STARD13: variants seen among roughly 807,000 people sequenced by gnomAD.
The protein encoded by STARD13 is stAR-related lipid transfer protein 13.
STARD13 carries 62 observed loss-of-function variants against 106.4 expected under a neutral mutation model. That is an observed-to-expected ratio of 0.58 (90% CI 0.48 to 0.72). The LOEUF (loss-of-function observed/expected upper bound fraction) is 0.72, where lower values mean the gene tolerates loss of function less well. STARD13 is among the 30% of genes least tolerant of loss of function. The pLI, the probability that STARD13 is intolerant of heterozygous loss-of-function variation, is 0.00. For synonymous variants in STARD13, 565 were observed against 553.0 expected (o/e 1.02, Z -0.31); for missense variants, 1,387 against 1,424.0 (o/e 0.97, Z 0.42).
the STARD13 span, among the ~76,000 whole-genome samples, chr13:33,476,081 T>C: frequency 6.6e-6 from 1 of 152,204 alleles, no homozygotes; most frequent in African/African-American, 2.4e-5. Flanking sequence ...TTCCTTTAGG[T>C]AATGAGAAAA....
chr13:33,143,699 G>A (rs1209809553), intron 3 of STARD13, among the ~76,000 whole-genome samples: 2 of 152,090 alleles, frequency 1.3e-5, no homozygotes, highest in African/African-American at 4.8e-5. Flanking sequence ...GACTACAGGT[G>A]CACACCACCA....
chr13:33,167,989 T>G (rs1385644773), intron 1 of STARD13, among the ~76,000 whole-genome samples: 1 of 140,458 alleles, frequency 7.1e-6, no homozygotes, highest in East Asian at 2.2e-4. Context: ...TCTTTTTTTT[T>G]TTAATGGAAT....
chr13:33,493,577 G>A, the STARD13 span, among the ~76,000 whole-genome samples: 3 of 152,134 alleles, frequency 2.0e-5, no homozygotes, highest in African/African-American at 7.2e-5. Context: ...AAAGAAAGAT[G>A]TTAATAAGAG....
intron 1 of STARD13, among the ~76,000 whole-genome samples, chr13:33,250,526 G>A (rs913446750): frequency 1.3e-5 from 2 of 152,168 alleles, no homozygotes; most frequent in African/African-American, 4.8e-5. Context: ...ACCCATGCTG[G>A]TACAGACACA....
the STARD13 span, among the ~76,000 whole-genome samples, chr13:33,594,705 C>T: frequency 2.2e-3 from 339 of 152,290 alleles, 3 homozygotes; most frequent in African/African-American, 7.4e-3. Flanking sequence ...TGGCAACCAG[C>T]AATCTACTTT....
chr13:33,381,889 A>G, the STARD13 span, among the ~76,000 whole-genome samples: 1 of 152,204 alleles, frequency 6.6e-6, no homozygotes, highest in Non-Finnish European at 1.5e-5. Flanking sequence ...GTTTTGCATA[A>G]TGATACATCA....
rs1272331749 is a variant in STARD13, at chr13:33,130,030, C to T, written c.647G>A (p.Cys216Tyr). ...ATCCAGCATGACCGGGTTGTCTGTACAGCACTGGCCCGGCTGGCTGCGACT... is the reference window on the plus strand; with the variant it reads ...ATCCAGCATGACCGGGTTGTCTGTATAGCACTGGCCCGGCTGGCTGCGACT... ...SDSRSQPGQCCTDNPVMLDAP... is the reference protein window; with the variant it reads ...SDSRSQPGQCYTDNPVMLDAP... Residue 216 changes from cysteine (C) to tyrosine (Y), a missense_variant, in exon 5 of 14, where the codon TGT becomes TAT. By Grantham distance (194) the Cys-to-Tyr change is radical (BLOSUM62 -2). Transcript: ENST00000336934. This position sits in a 1 kb window ranked among gnomAD's most constrained non-coding sequence, Gnocchi z 4.1. 2 of 1,613,496 alleles carry T rather than the reference C, an allele frequency of 1.2e-6. No individual in the cohort carries two copies. The highest frequency in any genetic ancestry group is 1.7e-6 in the Non-Finnish European group (2 of 1,179,862).
chr13:33,407,800 A>C, the STARD13 span, among the ~76,000 whole-genome samples: 1 of 152,248 alleles, frequency 6.6e-6, no homozygotes, highest in Non-Finnish European at 1.5e-5. Flanking sequence ...CTTGCAAAGC[A>C]AACTCAGGGA....
the STARD13 span, among the ~76,000 whole-genome samples, chr13:33,578,401 A>G: frequency 1.3e-5 from 2 of 152,272 alleles, no homozygotes; most frequent in East Asian, 1.9e-4. Flanking sequence ...TAGGGAAAGG[A>G]CATCCTATTC....
At chr13:33,132,486 C>T (rs1231837502) in intron 4 of STARD13, among the ~76,000 whole-genome samples, 2 of 152,224 alleles carry the variant, frequency 1.3e-5, no homozygotes, top group Non-Finnish European at 1.5e-5. Context: ...GGCCTGCTTA[C>T]ATGAAACTGT....
intron 1 of STARD13, among the ~76,000 whole-genome samples, chr13:33,202,013 T>C (rs1388522180): frequency 1.3e-5 from 2 of 152,220 alleles, no homozygotes; most frequent in Non-Finnish European, 2.9e-5. Flanking sequence ...GAAAGCTTTG[T>C]CTACATTTTT....
the STARD13 span, among the ~76,000 whole-genome samples, chr13:33,471,531 A>C: frequency 6.6e-6 from 1 of 152,132 alleles, no homozygotes. Context: ...ACTCCCTCAG[A>C]GGGCTATTTC....
chr13:33,440,270 C>CG, the STARD13 span, among the ~76,000 whole-genome samples: 6 of 63,572 alleles, frequency 9.4e-5, no homozygotes, highest in African/African-American at 3.1e-4. Flanking sequence ...CAGAACGAGG[C>CG]AAAAAAAAAA....
At chr13:33,340,520 T>C (rs1871716714) in intron 1 of STARD13, among the ~76,000 whole-genome samples, 1 of 152,224 alleles carries the variant, frequency 6.6e-6, no homozygotes. Context: ...TTTAATATCA[T>C]TGCAAGCAAA....
At chr13:33,163,720 T>A (rs1172001122) in intron 3 of STARD13, among the ~76,000 whole-genome samples, 1 of 97,586 alleles carries the variant, frequency 1.0e-5, no homozygotes, top group African/African-American at 3.1e-5. Context: ...AACATATATA[T>A]AACATATATA....
the STARD13 span, among the ~76,000 whole-genome samples, chr13:33,642,139 C>G: frequency 2.6e-5 from 4 of 152,104 alleles, no homozygotes; most frequent in Non-Finnish European, 5.9e-5. Flanking sequence ...GGATGAATGA[C>G]TAAATTAATG....
chr13:33,440,649 C>A, the STARD13 span, among the ~76,000 whole-genome samples: 1 of 151,546 alleles, frequency 6.6e-6, no homozygotes, highest in Non-Finnish European at 1.5e-5. Context: ...CCCTTCTTCC[C>A]TTCTCACTTT....
At chr13:33,396,125 C>T in the STARD13 span, among the ~76,000 whole-genome samples, 81 of 152,248 alleles carry the variant, frequency 5.3e-4, no homozygotes, top group African/African-American at 1.7e-3. Flanking sequence ...GTAGCTGGGA[C>T]TACAGGCATG....
At chr13:33,633,537 G>A in the STARD13 span, among the ~76,000 whole-genome samples, 1 of 152,308 alleles carries the variant, frequency 6.6e-6, no homozygotes, top group Non-Finnish European at 1.5e-5. Context: ...TGCATCTGCA[G>A]CTTCCTTTTT....
Sources: allele counts gnomAD v4.1 joint callset (sites outside exome capture counted in the v4.1 genomes callset), GRCh38; gene constraint gnomAD v4.1.1; non-coding constraint Gnocchi (gnomAD v3.1); transcripts MANE v1.5; gene names NCBI Gene and HGNC (gene_info 2026-07-23, HGNC 2026-07-21).